Variants in FBLN1 observed in about 807,000 individuals in gnomAD.
FBLN1 encodes the protein fibulin-1.
A neutral mutation model predicts 89.7 loss-of-function variants in FBLN1; 34 were observed. That is an observed-to-expected ratio of 0.38 (90% CI 0.29 to 0.50). FBLN1 has a LOEUF of 0.50. FBLN1 is among the 20% of genes least tolerant of loss of function. The pLI, the probability that FBLN1 is intolerant of heterozygous loss-of-function variation, is 0.92. For synonymous variants in FBLN1, 393 were observed against 391.3 expected (o/e 1.00, Z -0.05); for missense variants, 777 against 988.1 (o/e 0.79, Z 2.86).
rs79736617 is a variant in FBLN1, at chr22:45,588,762, A to C, written c.1973-11545A>C. On this transcript the variant is annotated intron_variant, in intron 16 of 16. Transcript: ENST00000327858. The surrounding 1 kb of genome is among the most constrained non-coding windows in gnomAD (Gnocchi z 5.1). ...ACATTCATAAATTATTCTTTTTTAA[A>C]AATGAAATGTTTTAGCCAAACAGCA... Among the ~76,000 whole-genome samples the C allele has an allele frequency of 0.028, 4,249 of 152,122 alleles. 102 individuals are homozygous for C. The highest frequency in any genetic ancestry group is 0.089 in the South Asian group (427 of 4,802).
chr22:45,511,156 C>G (rs2088094573), intron 1 of FBLN1, among the ~76,000 whole-genome samples: 1 of 119,120 alleles, frequency 8.4e-6, no homozygotes, highest in Non-Finnish European at 1.7e-5. Context: ...AATCTTCCCC[C>G]ATTTTTTTTT....
At chr22:45,592,191 G>A (rs751328890) in intron 16 of FBLN1, among the ~76,000 whole-genome samples, 5 of 152,316 alleles carry the variant, frequency 3.3e-5, no homozygotes, top group Admixed American at 6.5e-5. Flanking sequence ...CCCTAACTGC[G>A]ATGGGGGCTG....
intron 2 of FBLN1, among the ~76,000 whole-genome samples, chr22:45,523,431 A>ACCT (rs1371050874): frequency 2.0e-5 from 3 of 152,216 alleles, no homozygotes; most frequent in African/African-American, 7.2e-5. Context: ...GGCCGGGCGC[A>ACCT]GTGGCTCACG....
chr22:45,523,722 A>G (rs2146957049), intron 2 of FBLN1, among the ~76,000 whole-genome samples: 1 of 152,264 alleles, frequency 6.6e-6, no homozygotes, highest in Admixed American at 6.5e-5. Context: ...AACAAAACAA[A>G]ACAAAAAACA....
chr22:45,519,681 T>TA (rs1669924092), intron 2 of FBLN1, among the ~76,000 whole-genome samples: 1 of 147,132 alleles, frequency 6.8e-6, no homozygotes, highest in Admixed American at 6.7e-5. Flanking sequence ...ATCATCATCA[T>TA]AAAAATAATA....
At chr22:45,564,478 C>G (rs2088883686) in intron 14 of FBLN1, among the ~76,000 whole-genome samples, 1 of 152,262 alleles carries the variant, frequency 6.6e-6, no homozygotes, top group Non-Finnish European at 1.5e-5. Flanking sequence ...AGCCACGCTG[C>G]AAGCTCTGCT....
chr22:45,560,824 T>TA (rs2088842336), intron 14 of FBLN1, among the ~76,000 whole-genome samples: 1 of 152,168 alleles, frequency 6.6e-6, no homozygotes, highest in Admixed American at 6.5e-5. Flanking sequence ...TTAGTCTAGT[T>TA]ATAGGTCTAG....
Position 45,545,184 on chromosome 22 carries a change from A to G in FBLN1, c.1321+1658A>G, listed in dbSNP as rs1215418059. ...CTGGGCTTAGTTCACAAGAACGTGT[A>G]TGGACAAGGAACAAGATTCACGAGT... On this transcript the variant is annotated intron_variant, in intron 11 of 16. Transcript: ENST00000327858. The surrounding 1 kb of genome is among the most constrained non-coding windows in gnomAD (Gnocchi z 5.9). Among the ~76,000 whole-genome samples, 3 of 152,212 alleles carry G rather than the reference A, an allele frequency of 2.0e-5. No individual in the cohort carries two copies. Among genetic ancestry groups the G allele is most frequent in the African/African-American group, 7.2e-5 (3 of 41,446 alleles).
At position 45,577,092 on chromosome 22, in the gene FBLN1, G is replaced by A. The variant is rs1320029944; in HGVS notation, c.1956G>A (p.Met652Ile). The change falls in exon 16 of 17, where the codon ATG becomes ATA. Residue 652 changes from methionine to isoleucine, a missense_variant. By Grantham distance (10) the Met-to-Ile change is conservative (BLOSUM62 1). Transcript: ENST00000327858. This position sits in a 1 kb window ranked among gnomAD's most constrained non-coding sequence, Gnocchi z 6.6. ...RDSFDIIKRYMDGMTVGVVRQ... is the reference protein window; with the variant it reads ...RDSFDIIKRYIDGMTVGVVRQ... ...CTTTTGACATCATCAAGCGTTACAT[G>A]GACGGCATGACCGTGGGTGAGTGGC... The A allele has an allele frequency of 6.2e-7, 1 of 1,614,136 alleles. No homozygotes were observed. Among genetic ancestry groups the A allele is most frequent in the East Asian group, 2.2e-5 (1 of 44,874 alleles).
chr22:45,558,090 C>A, intron 14 of FBLN1: 1 of 716,958 alleles, frequency 1.4e-6, no homozygotes. Context: ...GGGAACTCTG[C>A]ATGAGGCCAT....
At chr22:45,586,563 G>A (rs926586753) in intron 16 of FBLN1, among the ~76,000 whole-genome samples, 2 of 152,244 alleles carry the variant, frequency 1.3e-5, no homozygotes, top group Non-Finnish European at 1.5e-5. Context: ...CAAAGGCAGT[G>A]GTGCTCGTCA....
chr22:45,595,214 G>C (rs1410986520), intron 16 of FBLN1, among the ~76,000 whole-genome samples: 1 of 152,142 alleles, frequency 6.6e-6, no homozygotes, highest in African/African-American at 2.4e-5. Flanking sequence ...TGGGAAAGGG[G>C]GTCCTGGGTT....
At position 45,575,524 on chromosome 22, in the gene FBLN1, A is replaced by C. The variant is rs1235188537; in HGVS notation, c.1840+871A>C. ...CCCAGGCTTTGGGGGAACCATCGGAAGGTTGCAGTGGAGGAGGTTTGCATA... is the reference window on the plus strand; with the variant it reads ...CCCAGGCTTTGGGGGAACCATCGGACGGTTGCAGTGGAGGAGGTTTGCATA... On this transcript the variant is annotated intron_variant, in intron 15 of 16. Transcript: ENST00000327858. This position sits in a 1 kb window ranked among gnomAD's most constrained non-coding sequence, Gnocchi z 6.3. Among the ~76,000 whole-genome samples the C allele has an allele frequency of 6.6e-6, 1 of 152,126 alleles. No homozygotes were observed.
At chr22:45,599,823 A>G (rs897126312) in intron 16 of FBLN1, among the ~76,000 whole-genome samples, 13 of 152,302 alleles carry the variant, frequency 8.5e-5, no homozygotes, top group African/African-American at 2.9e-4. Context: ...AGGCTGAGGC[A>G]GGAGAATGGC....
At position 45,547,386 on chromosome 22, in the gene FBLN1, G is replaced by GTTT. The variant is rs5845717; in HGVS notation, c.1441+207_1441+209dup. ...GTTTGCTGTTTTCCCTCCAACTGAG[G>GTTT]TTTTTTTTTTTTTTTTTTTTTTTTT... On this transcript the variant is annotated intron_variant, in intron 12 of 16. Transcript: ENST00000327858. 2.0e-4 allele frequency among the ~76,000 whole-genome samples: 11 copies of GTTT among 53,718 alleles called. 1 individual carries two copies. The highest frequency in any genetic ancestry group is 3.8e-4 in the African/African-American group (6 of 15,596). The allele number at this position is 53,718 out of a possible 152,430, so 35.2% of individuals were successfully genotyped here.
chr22:45,566,373 G>A (rs1168852112), intron 14 of FBLN1, among the ~76,000 whole-genome samples: 1 of 152,210 alleles, frequency 6.6e-6, no homozygotes, highest in Non-Finnish European at 1.5e-5. Flanking sequence ...ACGTTTGCGT[G>A]TGTGCCTGAG....
In FBLN1 at chr22:45,550,559, C is replaced by G. The variant is rs77711179; in HGVS notation, c.1641C>G (p.Gly547=). 3 of 1,614,140 alleles carry G rather than the reference C, an allele frequency of 1.9e-6. No individual in the cohort carries two copies. Among genetic ancestry groups the G allele is most frequent in the African/African-American group, 1.3e-5 (1 of 75,064 alleles). Residue 547 remains glycine (G), a synonymous_variant, in exon 14 of 17, where the codon GGC becomes GGG. Coordinates refer to ENST00000327858, the MANE Select transcript of FBLN1 (RefSeq NM_006486.3). This position sits in a 1 kb window ranked among gnomAD's most constrained non-coding sequence, Gnocchi z 8.4. ...SINETCFNIQ[G]GFRCLAFECP... ...ACGAGACCTGCTTCAACATCCAGGG[C>G]GGCTTCCGCTGCCTGGCCTTCGAGT...
At position 45,581,117 on chromosome 22, in the gene FBLN1, T is replaced by C. The variant is rs1013625772; in HGVS notation, c.1972+4009T>C. Among the ~76,000 whole-genome samples, 1 of 152,190 alleles carries C rather than the reference T, an allele frequency of 6.6e-6. No individual in the cohort carries two copies. The highest frequency in any genetic ancestry group is 2.4e-5 in the African/African-American group (1 of 41,458). On this transcript the variant is annotated intron_variant, in intron 16 of 16. Transcript: ENST00000327858. The surrounding 1 kb of genome is among the most constrained non-coding windows in gnomAD (Gnocchi z 7.6). ...CTCTGGGAAGAGATCTTTCAGGTAGTATATCCTGAGTGATGACTAATGGGG... is the reference window on the plus strand; with the variant it reads ...CTCTGGGAAGAGATCTTTCAGGTAGCATATCCTGAGTGATGACTAATGGGG...
In FBLN1 at chr22:45,530,223, A is replaced by ATGGTTT. The variant is rs1277877986; in HGVS notation, c.485-1042_485-1041insTGGTTT. On this transcript the variant is annotated intron_variant, in intron 4 of 16. Coordinates refer to ENST00000327858, the MANE Select transcript of FBLN1 (RefSeq NM_006486.3). This position sits in a 1 kb window ranked among gnomAD's most constrained non-coding sequence, Gnocchi z 5.4. ...GAGACGACATTTTCACTTTAAACAA[A>ATGGTTT]CCCAAACCATTCCTGCTGGTGGAGG... Among the ~76,000 whole-genome samples, 9 of 149,676 alleles carry ATGGTTT rather than the reference A, an allele frequency of 6.0e-5. No homozygotes were observed. Among genetic ancestry groups the ATGGTTT allele is most frequent in the African/African-American group, 2.0e-4 (8 of 40,534 alleles).
Sources: gnomAD v4.1 joint callset for allele counts (sites outside exome capture counted in the v4.1 genomes callset) on GRCh38, gnomAD v4.1.1 for gene constraint, Gnocchi (gnomAD v3.1) non-coding constraint, MANE v1.5 for transcripts, NCBI Gene and HGNC (gene_info 2026-07-23, HGNC 2026-07-21) for gene names.